Variants in CTNNA3 observed in about 807,000 individuals in gnomAD.
The protein encoded by CTNNA3 is catenin alpha 3, also known as catenin alpha-3.
CTNNA3 carries 76 observed loss-of-function variants against 95.7 expected under a neutral mutation model. That is an observed-to-expected ratio of 0.79 (90% CI 0.66 to 0.96). CTNNA3 has a LOEUF of 0.96. Among genes scored for constraint, CTNNA3 ranks in the 40% least tolerant of loss-of-function variants. The pLI, the probability that CTNNA3 is intolerant of heterozygous loss-of-function variation, is 0.00. For missense variants in CTNNA3, 1,191 were observed against 1,089.8 expected (o/e 1.09, Z -1.31); for synonymous variants, 431 against 374.4 (o/e 1.15, Z -1.74).
chr10:66,617,827 A>C (rs939503923), intron 10 of CTNNA3, among the ~76,000 whole-genome samples: 1 of 151,814 alleles, frequency 6.6e-6, no homozygotes, highest in Non-Finnish European at 1.5e-5. Flanking sequence ...GTCTCAGCCC[A>C]AAATCTCCTT....
In CTNNA3 at chr10:65,920,369, C is replaced by G. The variant is rs766707232; in HGVS notation, c.2649G>C (p.Leu883Phe). Residue 883 changes from leucine (L) to phenylalanine (F), a missense_variant, in exon 18 of 18, where the codon TTG becomes TTC. Coordinates refer to ENST00000433211, the MANE Select transcript of CTNNA3 (RefSeq NM_013266.4). ...TTCCTCTAAATTCACTCATGACTTG[C>G]AATGGATGGATTTTTTTCTTTGCTG... ...RGSAKKKIHP[L>F]QVMSEFRGRQ... 9 of 1,613,898 alleles carry G rather than the reference C, an allele frequency of 5.6e-6. No homozygotes were observed.
intron 1 of CTNNA3, among the ~76,000 whole-genome samples, chr10:67,684,734 C>G (rs538594496): frequency 8.5e-5 from 13 of 152,268 alleles, no homozygotes; most frequent in African/African-American, 3.1e-4. Flanking sequence ...ATTTGTAAGA[C>G]CATCTGTAAC....
At chr10:66,097,293 C>T (rs1029989948) in intron 14 of CTNNA3, among the ~76,000 whole-genome samples, 1 of 152,086 alleles carries the variant, frequency 6.6e-6, no homozygotes, top group Admixed American at 6.6e-5. Flanking sequence ...ATTTACAAAG[C>T]TCCCTGAGCT....
At chr10:66,268,721 C>T (rs2091212154) in intron 13 of CTNNA3, among the ~76,000 whole-genome samples, 2 of 152,114 alleles carry the variant, frequency 1.3e-5, no homozygotes, top group South Asian at 4.1e-4. Context: ...TTCACCAGCT[C>T]CTTTGCAGTT....
chr10:67,481,262 T>G (rs1041384842), intron 5 of CTNNA3, among the ~76,000 whole-genome samples: 5 of 152,140 alleles, frequency 3.3e-5, no homozygotes, highest in African/African-American at 1.2e-4. Flanking sequence ...AGCATAGTAC[T>G]GGAAGTTCTA....
chr10:66,048,139 A>G (rs1367742885), intron 15 of CTNNA3, among the ~76,000 whole-genome samples: 2 of 152,198 alleles, frequency 1.3e-5, no homozygotes, highest in Non-Finnish European at 2.9e-5. Context: ...TAAAATTTAT[A>G]TGGAACCAAA....
intron 7 of CTNNA3, among the ~76,000 whole-genome samples, chr10:66,910,886 C>T (rs1401717277): frequency 6.6e-6 from 1 of 152,176 alleles, no homozygotes; most frequent in East Asian, 1.9e-4. Context: ...GTGAGCTATT[C>T]ATGGGATTTA....
At chr10:66,155,224 A>G (rs1178577568) in intron 13 of CTNNA3, among the ~76,000 whole-genome samples, 1 of 151,772 alleles carries the variant, frequency 6.6e-6, no homozygotes, top group East Asian at 1.9e-4. Flanking sequence ...CTTAAAGGCA[A>G]CTTAACTCTT....
intron 15 of CTNNA3, among the ~76,000 whole-genome samples, chr10:65,995,129 C>A (rs2078628752): frequency 6.6e-6 from 1 of 151,670 alleles, no homozygotes; most frequent in South Asian, 2.1e-4. Flanking sequence ...TATTATTACT[C>A]TGAACTCTTT....
rs1202101879 is a variant in CTNNA3, at chr10:66,800,671, TAACA to T, written c.1048-25151_1048-25148del. 4.0e-5 allele frequency among the ~76,000 whole-genome samples: 6 copies of T among 151,364 alleles called. No individual in the cohort carries two copies. In the East Asian group the frequency reaches 1.2e-3, roughly 29 times the overall value. On this transcript the variant is annotated intron_variant, in intron 7 of 17. Transcript: ENST00000433211. The stretch of plus-strand genomic sequence containing the variant: ...CACAATTTTCTCATTAAAAAGTAGA[TAACA>T]ATCAGGAAACTACAACTATATAGGA...
chr10:67,221,344 A>G (rs182228106), intron 5 of CTNNA3, among the ~76,000 whole-genome samples: 12 of 152,350 alleles, frequency 7.9e-5, no homozygotes, highest in Admixed American at 3.9e-4. Context: ...CATTTACAAT[A>G]GTTCATTCAC....
chr10:66,795,442 C>G (rs1288316907), intron 7 of CTNNA3, among the ~76,000 whole-genome samples: 1 of 152,096 alleles, frequency 6.6e-6, no homozygotes, highest in Non-Finnish European at 1.5e-5. Context: ...CAATAGTGAG[C>G]TTAAAATGTT....
chr10:65,986,315 A>G (rs1264880801), intron 16 of CTNNA3, among the ~76,000 whole-genome samples: 1 of 79,932 alleles, frequency 1.3e-5, no homozygotes, highest in Non-Finnish European at 2.9e-5. Context: ...AGAAAAACCT[A>G]AAGGCTCTAC....
At chr10:66,928,189 G>C in intron 7 of CTNNA3, 2 of 1,614,072 alleles carry the variant, frequency 1.2e-6, no homozygotes, top group Non-Finnish European at 1.7e-6. Context: ...CGCGGGCAGC[G>C]TGGCGCTTTT....
intron 5 of CTNNA3, among the ~76,000 whole-genome samples, chr10:67,485,077 T>C (rs892554278): frequency 6.6e-6 from 1 of 152,192 alleles, no homozygotes; most frequent in African/African-American, 2.4e-5. Flanking sequence ...TAGATGCCCA[T>C]CAGTGGTGGA....
chr10:66,227,633 C>A (rs1457535473), intron 13 of CTNNA3, among the ~76,000 whole-genome samples: 1 of 152,024 alleles, frequency 6.6e-6, no homozygotes, highest in East Asian at 1.9e-4. Context: ...CTGTAGATTT[C>A]TTTTATTGTT....
intron 7 of CTNNA3, among the ~76,000 whole-genome samples, chr10:66,786,452 C>G (rs577150824): frequency 6.8e-4 from 103 of 152,216 alleles, no homozygotes; most frequent in Non-Finnish European, 1.2e-3. Context: ...TGCTGGTTTC[C>G]TACCTACAAT....
Position 65,920,532 on chromosome 10 carries a change from G to A in CTNNA3, c.2486C>T (p.Ser829Leu). 6.2e-7 allele frequency: 1 copy of A among 1,614,148 alleles called. No homozygotes were observed. Among genetic ancestry groups the A allele is most frequent in the South Asian group, 1.1e-5 (1 of 91,086 alleles). The stretch of plus-strand genomic sequence containing the variant: ...ACTCTGGATTCGGATGATCTTGGTT[G>A]AGGCAATGTAAGACATTTTCACTGT... ...VQTVKMSYIA[S>L]TKIIRIQSPA... The change falls in exon 18 of 18, where the codon TCA becomes TTA. Residue 829 changes from serine to leucine, a missense_variant. Transcript: ENST00000433211.
chr10:66,102,726 T>A (rs559975809), intron 14 of CTNNA3, among the ~76,000 whole-genome samples: 1 of 152,048 alleles, frequency 6.6e-6, no homozygotes, highest in East Asian at 1.9e-4. Flanking sequence ...GTGGGGTGTG[T>A]GTGTGTGTGT....
Sources: gnomAD v4.1 joint callset for allele counts (sites outside exome capture counted in the v4.1 genomes callset) on GRCh38, gnomAD v4.1.1 for gene constraint, MANE v1.5 for transcripts, NCBI Gene and HGNC (gene_info 2026-07-23, HGNC 2026-07-21) for gene names.